Variants in LINGO1 observed in about 807,000 individuals in gnomAD.
LINGO1 encodes the protein leucine rich repeat and Ig domain containing 1.
LINGO1 carries 11 observed loss-of-function variants against 37.3 expected under a neutral mutation model. That is an observed-to-expected ratio of 0.29 (90% CI 0.19 to 0.49). LINGO1 has a LOEUF of 0.49. LINGO1 is among the 20% of genes least tolerant of loss of function. The pLI is 0.99. For missense variants in LINGO1, 585 were observed against 878.2 expected (o/e 0.67, Z 4.22); for synonymous variants, 387 against 403.0 (o/e 0.96, Z 0.48).
At chr15:77,768,800 A>C (rs1356577941) in intron 1 of LINGO1, among the ~76,000 whole-genome samples, 1 of 151,806 alleles carries the variant, frequency 6.6e-6, no homozygotes, top group Non-Finnish European at 1.5e-5. Context: ...CCTTTAATGG[A>C]AATCGATGCC....
At position 77,615,560 on chromosome 15, in the gene LINGO1, T is replaced by C; in HGVS notation, c.347A>G (p.Asn116Ser). The change falls in exon 2 of 2, where the codon AAC becomes AGC. Residue 116 changes from asparagine (N) to serine (S), a missense_variant. By Grantham distance (46) the Asn-to-Ser change is conservative (BLOSUM62 1). Coordinates refer to ENST00000355300, the MANE Select transcript of LINGO1 (RefSeq NM_032808.7). ...IVSAVEPGAF[N>S]NLFNLRTLGL... is the part of the protein sequence containing the mutation. ...CAGCGTCCGGAGGTTGAAGAGGTTG[T>C]TGAAGGCGCCGGGCTCCACGGCGCT... is the stretch of plus-strand genomic sequence containing the variant. 2 of 1,612,796 alleles carry C rather than the reference T, an allele frequency of 1.2e-6. No individual in the cohort carries two copies. Among genetic ancestry groups the C allele is most frequent in the Non-Finnish European group, 1.7e-6 (2 of 1,179,328 alleles).
At chr15:77,810,532 C>G (rs2076997521) in intron 1 of LINGO1, among the ~76,000 whole-genome samples, 2 of 152,202 alleles carry the variant, frequency 1.3e-5, no homozygotes, top group African/African-American at 4.8e-5. Context: ...CCCATGTGGC[C>G]TGGAAGCAGA....
At chr15:77,640,716 C>T (rs891562182) in intron 3 of LINGO1, among the ~76,000 whole-genome samples, 8 of 152,078 alleles carry the variant, frequency 5.3e-5, no homozygotes, top group African/African-American at 1.9e-4. Context: ...TGGAGGAGTC[C>T]AGAGGAGGTG....
At position 77,711,847 on chromosome 15, in the gene LINGO1, G is replaced by A. The variant is rs533528131; in HGVS notation, c.-194-20946C>T. Among the ~76,000 whole-genome samples the A allele has an allele frequency of 1.4e-3, 217 of 151,742 alleles. 1 individual carries two copies. The highest frequency in any genetic ancestry group is 2.5e-3 in the Non-Finnish European group (167 of 67,966). On this transcript the variant is annotated intron_variant, in intron 2 of 3. Transcript: ENST00000561686. ...CAGCGGAGCTTGTTCCTTCTGAAACGTGCTTACCCTCTCTAGGCCTCTGTT... is the reference window on the plus strand; with the variant it reads ...CAGCGGAGCTTGTTCCTTCTGAAACATGCTTACCCTCTCTAGGCCTCTGTT...
In LINGO1 at chr15:77,746,207, CAAAA is replaced by C. The variant is rs34220013; in HGVS notation, c.-256-11158_-256-11155del. ...TGGGAGAGAGAGCGAGACCCTGTCT[CAAAA>C]AAAAAAAAAAAAAAAAATGAACTGG... On this transcript the variant is annotated intron_variant, in intron 1 of 3. Transcript: ENST00000561686. Among the ~76,000 whole-genome samples the C allele has an allele frequency of 9.8e-3, 740 of 75,584 alleles. 10 individuals carry two copies. The highest frequency in any genetic ancestry group is 0.025 in the African/African-American group (638 of 25,174). The allele number at this position is 75,584 out of a possible 152,430, so 49.6% of individuals were successfully genotyped here.
upstream of LINGO1, chr15:77,788,762 A>G (rs1464951032): frequency 6.6e-6 from 1 of 152,264 alleles, no homozygotes; most frequent in Non-Finnish European, 1.5e-5. Context: ...TCCCCAGTTC[A>G]GTCCGGTAGA....
chr15:77,620,134 G>A (rs926989599), intron 1 of LINGO1, among the ~76,000 whole-genome samples: 2 of 152,246 alleles, frequency 1.3e-5, no homozygotes, highest in Admixed American at 1.3e-4. Context: ...CATTCTGCTG[G>A]CTACTCCTGC....
At chr15:77,707,113 GGCAGGCT>G (rs1300629019) in intron 2 of LINGO1, among the ~76,000 whole-genome samples, 1 of 152,202 alleles carries the variant, frequency 6.6e-6, no homozygotes, top group Non-Finnish European at 1.5e-5. Context: ...CTCAGCAGGT[GGCAGGCT>G]GCAGGCTGCA....
chr15:77,646,574 AG>A (rs1448132232), intron 3 of LINGO1: 2 of 381,436 alleles, frequency 5.2e-6, no homozygotes, highest in Non-Finnish European at 1.1e-5. Context: ...CACTTCCAAG[AG>A]GGACAGACCA....
At chr15:77,713,303 C>G (rs1005433828) in intron 2 of LINGO1, among the ~76,000 whole-genome samples, 22 of 150,732 alleles carry the variant, frequency 1.5e-4, no homozygotes, top group Non-Finnish European at 2.8e-4. Context: ...GTCTTGAACT[C>G]CTGAGCTCAA....
chr15:77,624,747 G>A (rs967892546), intron 1 of LINGO1, among the ~76,000 whole-genome samples: 11 of 148,206 alleles, frequency 7.4e-5, no homozygotes, highest in African/African-American at 2.8e-4. Flanking sequence ...GGACCACTCT[G>A]GGCCCTTCCT....
chr15:77,769,544 ATATCCAGCCATACCCCAGGTTGAG>A (rs2076563202), intron 1 of LINGO1, among the ~76,000 whole-genome samples: 1 of 152,136 alleles, frequency 6.6e-6, no homozygotes, highest in Non-Finnish European at 1.5e-5. Context: ...GACTCTCCCC[ATATCCAGCCATACCCCAGGTTGAG>A]CTGGGCAATG....
intron 1 of LINGO1, among the ~76,000 whole-genome samples, chr15:77,776,526 A>AAGGCAGGAAGGCAGGAAGGGAGTAAGGG (rs1344764444): frequency 2.5e-4 from 9 of 35,786 alleles, no homozygotes; most frequent in South Asian, 1.1e-3. Flanking sequence ...GGAAGGGAGG[A>AAGGCAGGAAGGCAGGAAGGGAGTAAGGG]AGGGAGGGAG....
At chr15:77,638,720 ACTCTGT>A (rs2074443139), upstream of LINGO1, among the ~76,000 whole-genome samples, 1 of 151,864 alleles carries the variant, frequency 6.6e-6, no homozygotes, top group African/African-American at 2.4e-5. Flanking sequence ...TCCAGTTCTG[ACTCTGT>A]CTCTGACTCC....
chr15:77,698,895 C>A (rs75472851), upstream of LINGO1, among the ~76,000 whole-genome samples: 1,715 of 152,220 alleles, frequency 0.011, 39 homozygotes, highest in African/African-American at 0.039. Flanking sequence ...TGAGTCCCTG[C>A]GGACAAGAGC....
intron 2 of LINGO1, among the ~76,000 whole-genome samples, chr15:77,679,257 T>C (rs573267383): frequency 6.6e-6 from 1 of 152,366 alleles, no homozygotes; most frequent in East Asian, 1.9e-4. Context: ...AACATCTATC[T>C]GATTTTTTCT....
chr15:77,816,942 T>A (rs2077052808), intron 1 of LINGO1, among the ~76,000 whole-genome samples: 1 of 151,578 alleles, frequency 6.6e-6, no homozygotes, highest in Non-Finnish European at 1.5e-5. Flanking sequence ...AGTCTGGAGC[T>A]TAGGGAGCCA....
intron 1 of LINGO1, among the ~76,000 whole-genome samples, chr15:77,801,353 C>T (rs959299869): frequency 2.0e-5 from 3 of 152,188 alleles, no homozygotes; most frequent in Non-Finnish European, 2.9e-5. Context: ...GAGTGAGGCA[C>T]GTCTATGTAT....
intron 3 of LINGO1, among the ~76,000 whole-genome samples, chr15:77,676,585 G>A (rs1596091583): frequency 6.6e-6 from 1 of 152,272 alleles, no homozygotes; most frequent in Admixed American, 6.5e-5. Flanking sequence ...AGACAGGCTC[G>A]CTCCGGGTGC....
Sources: gnomAD v4.1 joint callset for allele counts (sites outside exome capture counted in the v4.1 genomes callset) on GRCh38, gnomAD v4.1.1 for gene constraint, MANE v1.5 for transcripts, NCBI Gene and HGNC (gene_info 2026-07-23, HGNC 2026-07-21) for gene names.